The following THBS4 variants were observed in gnomAD, a reference collection of about 807,000 sequenced individuals.
THBS4 encodes thrombospondin-4.
A neutral mutation model predicts 115.7 loss-of-function variants in THBS4; 90 were observed. That is an observed-to-expected ratio of 0.78 (90% confidence interval 0.66 to 0.93). The LOEUF is 0.93. Ranked by LOEUF, THBS4 falls within the 40% of genes least tolerant of loss-of-function variation. The pLI is 0.00. For missense variants in THBS4, 1,087 were observed against 1,232.7 expected (o/e 0.88, Z 1.77); for synonymous variants, 460 against 479.3 (o/e 0.96, Z 0.53).
At chr5:80,077,229 C>T (rs1047273113) in intron 16 of THBS4, among the ~76,000 whole-genome samples, 181 bp downstream of exon 16, 9 of 152,230 alleles carry the variant, frequency 5.9e-5, no homozygotes, top group Non-Finnish European at 1.0e-4. Context: ...TGGTAGACAC[C>T]AGTCTCCAAC....
At chr5:80,065,154 T>C (rs1398752627) in intron 8 of THBS4, among the ~76,000 whole-genome samples, 2 of 152,064 alleles carry the variant, frequency 1.3e-5, no homozygotes, top group Admixed American at 6.6e-5. Flanking sequence ...AAAAAGGTGA[T>C]GGAACAGATG....
At chr5:80,060,224 T>C (rs73772213) in intron 7 of THBS4, among the ~76,000 whole-genome samples, 9 of 152,344 alleles carry the variant, frequency 5.9e-5, no homozygotes, top group African/African-American at 2.2e-4. Flanking sequence ...AATTTTGTTT[T>C]TCCCCCACTT....
intron 20 of THBS4, chr5:80,082,156 G>A: frequency 2.3e-6 from 1 of 436,244 alleles, no homozygotes; most frequent in East Asian, 3.6e-5. Flanking sequence ...AGAGACAGAA[G>A]TTGGGAAGAA....
At chr5:80,006,852 T>G (rs1215627017) in intron 2 of THBS4, among the ~76,000 whole-genome samples, 1 of 152,234 alleles carries the variant, frequency 6.6e-6, no homozygotes, top group African/African-American at 2.4e-5. Flanking sequence ...AATCTATGCA[T>G]GTAACAAAAT....
intron 2 of THBS4, among the ~76,000 whole-genome samples, chr5:80,010,660 C>T (rs931024755): frequency 6.6e-6 from 1 of 152,188 alleles, no homozygotes; most frequent in African/African-American, 2.4e-5. Flanking sequence ...CTATGGGGTG[C>T]TCCATGAATT....
At position 80,082,462 on chromosome 5, in the gene THBS4, C is replaced by A; in HGVS notation, c.2741C>A (p.Thr914Asn). ...GCTGACTCTGGCGTCACCATAGACA[C>A]CACAATGCGTGGAGGCCGACTTGGC... Reference protein sequence around the residue: ...LVADSGVTIDTTMRGGRLGVF... With the variant: ...LVADSGVTIDNTMRGGRLGVF... Residue 914 changes from threonine (T) to asparagine (N), a missense_variant, in exon 21 of 22, where the codon ACC becomes AAC. This residue lies in a region of THBS4 where 103 missense variants were observed against 108.2 expected (regional missense o/e 0.95). Coordinates refer to ENST00000350881, the MANE Select transcript of THBS4 (RefSeq NM_003248.6). 6.2e-7 allele frequency: 1 copy of A among 1,613,848 alleles called. No individual in the cohort carries two copies. Among genetic ancestry groups the A allele is most frequent in the Non-Finnish European group, 8.5e-7 (1 of 1,179,996 alleles).
intron 2 of THBS4, among the ~76,000 whole-genome samples, chr5:80,050,394 TG>T (rs1162279307): frequency 6.6e-6 from 1 of 151,972 alleles, no homozygotes; most frequent in Non-Finnish European, 1.5e-5. Context: ...GAAATCATAG[TG>T]GGTCAAAGTT....
chr5:80,025,457 A>G (rs1314618815), intron 2 of THBS4, among the ~76,000 whole-genome samples: 1 of 152,232 alleles, frequency 6.6e-6, no homozygotes, highest in Non-Finnish European at 1.5e-5. Context: ...AAGGCACTGC[A>G]GCCCTCAGAG....
At chr5:80,029,289 C>T (rs1022574417) in intron 2 of THBS4, among the ~76,000 whole-genome samples, 2 of 152,166 alleles carry the variant, frequency 1.3e-5, no homozygotes, top group Non-Finnish European at 2.9e-5. Flanking sequence ...ATATTCCTGG[C>T]ACGATAATCA....
At chr5:80,083,051 T>C in intron 21 of THBS4, 29 bp from the exon 22 acceptor site, 1 of 1,608,266 alleles carries the variant, frequency 6.2e-7, no homozygotes, top group Non-Finnish European at 8.5e-7. Context: ...GGAGCCTCGC[T>C]AACCTCCCTG....
At chr5:80,006,942 A>G (rs1050073404) in intron 2 of THBS4, among the ~76,000 whole-genome samples, 3 of 152,254 alleles carry the variant, frequency 2.0e-5, no homozygotes, top group African/African-American at 7.2e-5. Context: ...CATTCATTTA[A>G]TAAACATGTA....
chr5:80,040,360 G>T, intron 2 of THBS4, 80 bp downstream of exon 2: 1 of 1,147,018 alleles, frequency 8.7e-7, no homozygotes, highest in Non-Finnish European at 1.3e-6. Flanking sequence ...TCTTTGAGAT[G>T]GTTTCCTTGT....
At chr5:80,048,394 G>T (rs1833142577) in intron 2 of THBS4, among the ~76,000 whole-genome samples, 1 of 152,178 alleles carries the variant, frequency 6.6e-6, no homozygotes, top group Admixed American at 6.5e-5. Flanking sequence ...GAGATATTAA[G>T]CTGGATGACT....
intron 2 of THBS4, among the ~76,000 whole-genome samples, chr5:80,055,428 T>G (rs928675562): frequency 6.6e-6 from 1 of 152,196 alleles, no homozygotes; most frequent in African/African-American, 2.4e-5. Context: ...GGATTCATGC[T>G]CTACGCTTAT....
At chr5:80,069,820 G>A (rs1376117674) in intron 10 of THBS4, among the ~76,000 whole-genome samples, 1 of 152,222 alleles carries the variant, frequency 6.6e-6, no homozygotes, top group Non-Finnish European at 1.5e-5. Context: ...GAGCACAGAT[G>A]ATTGAGAATA....
At chr5:80,038,310 T>C (rs1832781995) in intron 1 of THBS4, among the ~76,000 whole-genome samples, 2 of 152,232 alleles carry the variant, frequency 1.3e-5, no homozygotes. Flanking sequence ...AATTACGTTA[T>C]ACATATAGTT....
intron 2 of THBS4, among the ~76,000 whole-genome samples, chr5:80,040,741 C>T (rs1041653192): frequency 2.0e-5 from 3 of 152,152 alleles, no homozygotes; most frequent in East Asian, 1.9e-4. Flanking sequence ...AAAAGACTAC[C>T]GGAGACTGGG....
At chr5:80,071,904 G>T (rs1834074956) in intron 13 of THBS4, 1 of 197,144 alleles carries the variant, frequency 5.1e-6, no homozygotes, top group Non-Finnish European at 1.1e-5. Flanking sequence ...GAAAAGAGAG[G>T]GACACAATGG....
At chr5:80,074,261 T>A (rs1355897263) in intron 15 of THBS4, 1 of 152,212 alleles carries the variant, frequency 6.6e-6, no homozygotes, top group Non-Finnish European at 1.5e-5. Flanking sequence ...TTTCCTTATT[T>A]AAGTGGAATT....
Sources: allele counts gnomAD v4.1 joint callset (sites outside exome capture counted in the v4.1 genomes callset), GRCh38; gene constraint gnomAD v4.1.1; regional missense constraint gnomAD v4.1.1; transcripts MANE v1.5; gene names NCBI Gene and HGNC (gene_info 2026-07-23, HGNC 2026-07-21).